Variants in SYT16 observed in about 807,000 individuals in gnomAD.
The protein encoded by SYT16 is synaptotagmin-16.
In SYT16, 42 loss-of-function variants were observed where a neutral mutation model predicts 61.4. The ratio of observed to expected loss-of-function variants is 0.68; its 90% confidence interval spans 0.53 to 0.89. The LOEUF (loss-of-function observed/expected upper bound fraction) is 0.89. SYT16 is among the 40% of genes least tolerant of loss of function. The probability of loss-of-function intolerance (pLI) is 0.00; values close to 1 mark genes in which losing one functional copy is unlikely to be tolerated. For missense variants in SYT16, 804 were observed against 807.3 expected (o/e 1.00, Z 0.05); for synonymous variants, 314 against 302.3 (o/e 1.04, Z -0.40).
intron 1 of SYT16, among the ~76,000 whole-genome samples, chr14:61,836,764 C>A (rs761914581): frequency 1.3e-5 from 2 of 152,184 alleles, no homozygotes; most frequent in Non-Finnish European, 2.9e-5. Context: ...AGCTTGTTAG[C>A]CATTCAGTCA....
At chr14:62,051,378 CTTCGACTA>C (rs1566799507) in intron 3 of SYT16, among the ~76,000 whole-genome samples, 1 of 152,224 alleles carries the variant, frequency 6.6e-6, no homozygotes, top group Non-Finnish European at 1.5e-5. Flanking sequence ...TCACCCTTTT[CTTCGACTA>C]GGAAAGGGAA....
chr14:61,892,936 A>G (rs1594848103), intron 1 of SYT16, among the ~76,000 whole-genome samples: 1 of 152,062 alleles, frequency 6.6e-6, no homozygotes, highest in South Asian at 2.1e-4. Flanking sequence ...GCCACGGTCC[A>G]GTGCAGGTGG....
intron 3 of SYT16, among the ~76,000 whole-genome samples, chr14:62,049,341 C>G (rs1371074547): frequency 6.6e-6 from 1 of 152,130 alleles, no homozygotes; most frequent in Admixed American, 6.5e-5. Flanking sequence ...AGATCTTCCT[C>G]CATCCCTTTA....
chr14:61,824,993 TAAAAC>T (rs1594697208), intron 1 of SYT16, among the ~76,000 whole-genome samples: 1 of 152,064 alleles, frequency 6.6e-6, no homozygotes, highest in East Asian at 1.9e-4. Context: ...TATCAGTAAA[TAAAAC>T]AAAAACTAAA....
At chr14:61,889,458 A>G (rs2048036736) in intron 1 of SYT16, among the ~76,000 whole-genome samples, 1 of 152,144 alleles carries the variant, frequency 6.6e-6, no homozygotes, top group African/African-American at 2.4e-5. Flanking sequence ...GTTTGGGTCA[A>G]GGGAATGGAT....
Position 62,081,012 on chromosome 14 carries a change from A to G in SYT16, c.1172A>G (p.His391Arg), listed in dbSNP as rs1216002210. ...DRSGVNSWQV[H>R]VVLLPGKKHR... Reference sequence around the variant, plus strand: ...AGTGGTGTCAACTCCTGGCAAGTTCATGTAGTGCTGCTGCCTGGTAAGAAA... The same window carrying G: ...AGTGGTGTCAACTCCTGGCAAGTTCGTGTAGTGCTGCTGCCTGGTAAGAAA... Residue 391 changes from histidine to arginine, a missense_variant, in exon 6 of 8, where the codon CAT (histidine) becomes CGT (arginine). Transcript: ENST00000683842. 1.2e-6 allele frequency: 2 copies of G among 1,613,454 alleles called. No homozygotes were observed. The highest frequency in any genetic ancestry group is 8.5e-7 in the Non-Finnish European group (1 of 1,179,674).
intron 1 of SYT16, among the ~76,000 whole-genome samples, chr14:61,873,645 G>A (rs988272406): frequency 5.3e-5 from 8 of 152,236 alleles, no homozygotes; most frequent in African/African-American, 1.9e-4. Flanking sequence ...AGCAAAGTGG[G>A]AAGAGAATCC....
chr14:61,865,539 A>G (rs2140296038), intron 1 of SYT16, among the ~76,000 whole-genome samples: 1 of 152,332 alleles, frequency 6.6e-6, no homozygotes, highest in East Asian at 1.9e-4. Flanking sequence ...GAACATTTCC[A>G]CAGTACTAAG....
At chr14:61,847,571 C>A (rs1450490299) in intron 1 of SYT16, among the ~76,000 whole-genome samples, 1 of 152,004 alleles carries the variant, frequency 6.6e-6, no homozygotes, top group Non-Finnish European at 1.5e-5. Context: ...GTTCTATAAC[C>A]TTCTTGTACT....
chr14:61,981,244 C>T (rs1312129579), intron 2 of SYT16, among the ~76,000 whole-genome samples: 1 of 152,172 alleles, frequency 6.6e-6, no homozygotes, highest in Non-Finnish European at 1.5e-5. Context: ...AATTATTAAT[C>T]TCATCTACAA....
intron 3 of SYT16, among the ~76,000 whole-genome samples, chr14:62,032,589 CTGAATAATGACA>C (rs2054350289): frequency 6.6e-6 from 1 of 151,778 alleles, no homozygotes; most frequent in Non-Finnish European, 1.5e-5. Flanking sequence ...GGTAATGATA[CTGAATAATGACA>C]ATGATATTTT....
chr14:61,983,836 G>A (rs1366963420), intron 2 of SYT16, among the ~76,000 whole-genome samples: 3 of 152,092 alleles, frequency 2.0e-5, no homozygotes, highest in South Asian at 4.1e-4. Flanking sequence ...CTTAATGTCA[G>A]CTTTATTGAA....
intron 1 of SYT16, among the ~76,000 whole-genome samples, chr14:61,948,564 T>G (rs1470026634): frequency 6.6e-6 from 1 of 152,146 alleles, no homozygotes; most frequent in African/African-American, 2.4e-5. Flanking sequence ...TTCAGAGGAC[T>G]TTTGAAGAGG....
At chr14:61,972,732 A>G (rs1007868220) in intron 2 of SYT16, among the ~76,000 whole-genome samples, 1 of 152,208 alleles carries the variant, frequency 6.6e-6, no homozygotes, top group South Asian at 2.1e-4. Context: ...TGACAAACGT[A>G]AAGAAGGAAG....
At chr14:62,039,593 A>G (rs1054946189) in intron 3 of SYT16, among the ~76,000 whole-genome samples, 1 of 152,178 alleles carries the variant, frequency 6.6e-6, no homozygotes, top group Non-Finnish European at 1.5e-5. Flanking sequence ...ATATATTTAT[A>G]TGCTTAATGA....
chr14:62,044,589 A>T (rs1314808799), intron 3 of SYT16, among the ~76,000 whole-genome samples: 2 of 152,082 alleles, frequency 1.3e-5, no homozygotes, highest in Non-Finnish European at 2.9e-5. Flanking sequence ...GCTGAGAATG[A>T]TGGTTTCTAG....
chr14:61,921,437 C>T (rs892201255), intron 1 of SYT16, among the ~76,000 whole-genome samples: 10 of 152,196 alleles, frequency 6.6e-5, no homozygotes, highest in African/African-American at 2.2e-4. Flanking sequence ...GGACCACTTT[C>T]CCAGTCTCAG....
At chr14:62,022,359 G>C (rs1386843641) in intron 3 of SYT16, among the ~76,000 whole-genome samples, 6 of 151,984 alleles carry the variant, frequency 3.9e-5, no homozygotes, top group Admixed American at 3.9e-4. Flanking sequence ...TTGTCTTCCA[G>C]CTTTGAAATT....
rs1299679863 is a variant in SYT16 at position 61,865,614 on chromosome 14, G to A, written c.-325+52804G>A. ...TAATACCGCAAAGATATATTTATTT[G>A]CATTTTTCAGTAATATACATAGGAG... On this transcript the variant is annotated intron_variant, in intron 1 of 7. Coordinates refer to ENST00000683842, the MANE Select transcript of SYT16 (RefSeq NM_001367656.1). 2.0e-5 allele frequency among the ~76,000 whole-genome samples: 3 copies of A among 152,198 alleles called. No homozygotes were observed. In the South Asian group the frequency reaches 6.2e-4, roughly 32 times the overall value.
Sources: gnomAD v4.1 joint callset for allele counts (sites outside exome capture counted in the v4.1 genomes callset) on GRCh38, gnomAD v4.1.1 for gene constraint, MANE v1.5 for transcripts, NCBI Gene and HGNC (gene_info 2026-07-23, HGNC 2026-07-21) for gene names.